The following SMG6 variants were observed in gnomAD, a reference collection of about 807,000 sequenced individuals.
SMG6 encodes the protein SMG6 nonsense mediated mRNA decay factor.
In SMG6, 66 loss-of-function variants were observed where a neutral mutation model predicts 142.2. That is an observed-to-expected ratio of 0.46 (90% CI 0.38 to 0.57). The LOEUF (loss-of-function observed/expected upper bound fraction) is 0.57. SMG6 is among the 20% of genes least tolerant of loss of function. The pLI, the probability that SMG6 is intolerant of heterozygous loss-of-function variation, is 0.00. For synonymous variants in SMG6, 779 were observed against 702.4 expected, an observed-to-expected ratio of 1.11 and a Z score of -1.72; for missense variants, 1,793 against 1,832.0, an observed-to-expected ratio of 0.98 and a Z score of 0.39.
intron 10 of SMG6, chr17:2,214,374 C>G (rs1273104356): frequency 2.0e-5 from 3 of 151,108 alleles, no homozygotes; most frequent in Non-Finnish European, 4.4e-5. Flanking sequence ...CCACCCCAAT[C>G]CAGGCTCCCG....
intron 6 of SMG6, among the ~76,000 whole-genome samples, chr17:2,291,127 C>G (rs970101427): frequency 1.3e-5 from 2 of 152,012 alleles, no homozygotes; most frequent in South Asian, 2.1e-4. Context: ...GTCAGGAGGT[C>G]GAGACCATCC....
At chr17:2,277,218 G>A (rs1210324009) in intron 8 of SMG6, among the ~76,000 whole-genome samples, 1 of 146,086 alleles carries the variant, frequency 6.8e-6, no homozygotes, top group Non-Finnish European at 1.5e-5. Flanking sequence ...CCAGGCTGGA[G>A]TGCAGTGGCG....
chr17:2,300,145 CTCTTT>C lies in SMG6; in HGVS notation c.603_607del (p.Lys202ProfsTer66). On this transcript the variant is annotated frameshift_variant, in exon 2 of 19. Coordinates refer to ENST00000263073, the MANE Select transcript of SMG6 (RefSeq NM_017575.5). LOFTEE classifies it high-confidence loss of function. ...AGCCCCTACTCTCCCACCACCTGGG[CTCTTT>C]TCTATCTCAGCCCTGTCTGGTTTAT... The C allele has an allele frequency of 6.2e-7, 1 of 1,614,124 alleles. No individual in the cohort carries two copies. Among genetic ancestry groups the C allele is most frequent in the East Asian group, 2.2e-5 (1 of 44,884 alleles).
At chr17:2,176,106 A>AGGT (rs1448360062) in intron 12 of SMG6, among the ~76,000 whole-genome samples, 3 of 152,206 alleles carry the variant, frequency 2.0e-5, no homozygotes, top group African/African-American at 7.2e-5. Context: ...CAAAAGGATG[A>AGGT]GGTAATTCCT....
intron 6 of SMG6, among the ~76,000 whole-genome samples, chr17:2,285,248 T>G (rs1192801847): frequency 6.6e-6 from 1 of 152,098 alleles, no homozygotes; most frequent in East Asian, 1.9e-4. Flanking sequence ...AATAAATACC[T>G]GAGATTCACT....
At chr17:2,132,992 C>A (rs1183734469) in intron 13 of SMG6, among the ~76,000 whole-genome samples, 1 of 152,064 alleles carries the variant, frequency 6.6e-6, no homozygotes, top group Non-Finnish European at 1.5e-5. Context: ...ATGTTGTAAT[C>A]CCAGCACTTT....
intron 8 of SMG6, among the ~76,000 whole-genome samples, chr17:2,257,613 T>C (rs910533168): frequency 6.6e-6 from 1 of 152,104 alleles, no homozygotes; most frequent in African/African-American, 2.4e-5. Context: ...AAAAGACCTA[T>C]ATAATCTTAC....
At chr17:2,076,703 G>T (rs569865294) in intron 15 of SMG6, among the ~76,000 whole-genome samples, 1 of 152,348 alleles carries the variant, frequency 6.6e-6, no homozygotes, top group East Asian at 1.9e-4. Context: ...AGCGGGGTGG[G>T]GAAGGGAAGG....
intron 8 of SMG6, among the ~76,000 whole-genome samples, chr17:2,253,808 A>G (rs918685748): frequency 3.3e-5 from 5 of 151,882 alleles, no homozygotes; most frequent in African/African-American, 1.2e-4. Flanking sequence ...AATGCCAAAG[A>G]CTCCTGCTCT....
chr17:2,136,598 T>C (rs984497911), intron 13 of SMG6, among the ~76,000 whole-genome samples: 2 of 152,108 alleles, frequency 1.3e-5, no homozygotes, highest in African/African-American at 2.4e-5. Flanking sequence ...CACACACGCA[T>C]ACGCACACAG....
intron 13 of SMG6, among the ~76,000 whole-genome samples, chr17:2,098,073 T>C (rs767831988): frequency 6.6e-6 from 1 of 152,126 alleles, no homozygotes; most frequent in Non-Finnish European, 1.5e-5. Context: ...ACTGCAGCCT[T>C]GACTTCTCAG....
At chr17:2,157,604 T>C (rs1299641438) in intron 13 of SMG6, among the ~76,000 whole-genome samples, 5 of 152,234 alleles carry the variant, frequency 3.3e-5, no homozygotes, top group Non-Finnish European at 1.5e-5. Flanking sequence ...GCAGAAAGCA[T>C]GGACTTTCCT....
chr17:2,260,214 C>T (rs2074281535), intron 8 of SMG6, among the ~76,000 whole-genome samples: 1 of 152,200 alleles, frequency 6.6e-6, no homozygotes, highest in South Asian at 2.1e-4. Context: ...GCCTGGCATT[C>T]GCCTTGACAC....
At chr17:2,296,191 A>G (rs533190479) in intron 4 of SMG6, among the ~76,000 whole-genome samples, 1 of 152,346 alleles carries the variant, frequency 6.6e-6, no homozygotes, top group South Asian at 2.1e-4. Flanking sequence ...TTTATGACCT[A>G]GTCGCTTCCC....
chr17:2,247,211 A>G (rs1030912960), intron 8 of SMG6, among the ~76,000 whole-genome samples: 1 of 152,214 alleles, frequency 6.6e-6, no homozygotes, highest in Non-Finnish European at 1.5e-5. Flanking sequence ...ATTCTCTCCT[A>G]ACAAATGATG....
chr17:2,124,812 A>G (rs2760751), intron 13 of SMG6, among the ~76,000 whole-genome samples: 112,891 of 151,998 alleles, frequency 0.74, 42,436 homozygotes, highest in African/African-American at 0.8. Context: ...AATTATTTAC[A>G]GCGTTTATTC....
In SMG6 at chr17:2,068,708, G is replaced by A. The variant is rs2068014920; in HGVS notation, c.3835+70C>T. On this transcript the variant is annotated intron_variant, in intron 16 of 18. Coordinates refer to ENST00000263073, the MANE Select transcript of SMG6 (RefSeq NM_017575.5). This position sits in a 1 kb window ranked among gnomAD's most constrained non-coding sequence, Gnocchi z 6.7. ...AGGGCTCTGCCTGCCTGGCCCCCAG[G>A]CCGTGGGGCGTGTGTGGAGGGGGCT... 1 of 1,524,686 alleles carries A rather than the reference G, an allele frequency of 6.6e-7. No homozygotes were observed. The highest frequency in any genetic ancestry group is 1.2e-5 in the South Asian group (1 of 81,672). The allele number at this position is 1,524,686 out of a possible 1,614,324, so 94.4% of individuals were successfully genotyped here.
intron 13 of SMG6, among the ~76,000 whole-genome samples, chr17:2,121,510 A>G (rs1175809103): frequency 6.6e-6 from 1 of 152,040 alleles, no homozygotes; most frequent in Non-Finnish European, 1.5e-5. Flanking sequence ...AGAGGTGGAG[A>G]TAAGGGATTA....
At chr17:2,066,654 C>T (rs1172209303) in intron 16 of SMG6, among the ~76,000 whole-genome samples, 1 of 106,614 alleles carries the variant, frequency 9.4e-6, no homozygotes. Flanking sequence ...TGTGGGAATA[C>T]ACACACACAC....
Sources: allele counts gnomAD v4.1 joint callset (sites outside exome capture counted in the v4.1 genomes callset), GRCh38; gene constraint gnomAD v4.1.1; non-coding constraint Gnocchi (gnomAD v3.1); transcripts MANE v1.5; gene names NCBI Gene and HGNC (gene_info 2026-07-23, HGNC 2026-07-21).